The following STKLD1 variants were observed in gnomAD, a reference collection of about 807,000 sequenced individuals.
STKLD1 encodes the protein serine/threonine kinase like domain containing 1.
Under a neutral mutation model 80.4 loss-of-function variants are expected in STKLD1, and 79 were observed. The ratio of observed to expected loss-of-function variants is 0.98; its 90% CI spans 0.82 to 1.19. The LOEUF is 1.19. STKLD1 is among the 50% of genes most tolerant of loss of function. The pLI is 0.00. For synonymous variants in STKLD1, 393 were observed against 357.6 expected (o/e 1.10, Z -1.12); for missense variants, 841 against 856.0 (o/e 0.98, Z 0.22).
Position 133,403,795 on chromosome 9 carries a change from A to C in STKLD1, c.1570A>C (p.Ser524Arg), listed in dbSNP as rs1554778161. 6.2e-7 allele frequency: 1 copy of C among 1,613,684 alleles called. No individual in the cohort carries two copies. Among genetic ancestry groups the C allele is most frequent in the Non-Finnish European group, 8.5e-7 (1 of 1,179,978 alleles). Reference sequence around the variant, plus strand: ...TGCGGATGGGGAAATGGCAGAAGCCAGCTGCGGAGTCTTCTGGCTGCTGTC... The same window carrying C: ...TGCGGATGGGGAAATGGCAGAAGCCCGCTGCGGAGTCTTCTGGCTGCTGTC... ...YPADGEMAEA[S>R]CGVFWLLSLL... The change falls in exon 15 of 18, where the codon AGC becomes CGC. Residue 524 changes from serine to arginine, a missense_variant. By Grantham distance (110) the Ser-to-Arg change is moderately radical. Transcript: ENST00000371957.
Position 133,395,729 on chromosome 9 carries a change from C to A in STKLD1, c.832C>A (p.Leu278Ile). 6.2e-7 allele frequency: 1 copy of A among 1,613,532 alleles called. No homozygotes were observed. The highest frequency in any genetic ancestry group is 8.5e-7 in the Non-Finnish European group (1 of 1,180,012). Residue 278 changes from leucine to isoleucine, a missense_variant, in exon 9 of 18, where the codon CTC becomes ATC. Physicochemically the swap from Leu to Ile is conservative, Grantham distance 5 (BLOSUM62 2). Coordinates refer to ENST00000371957, the MANE Select transcript of STKLD1 (RefSeq NM_153710.5). The stretch of plus-strand genomic sequence containing the variant: ...CTTCAGGAATCTTCTGCCCTTGATG[C>A]TCCAGATCGACCCCTCGGATCGAAT... ...ETFRNLLPLM[L>I]QIDPSDRITI...
At chr9:133,387,580 C>T (rs2130280122) in intron 5 of STKLD1, 32 bp downstream of exon 5, 2 of 1,556,142 alleles carry the variant, frequency 1.3e-6, no homozygotes, top group Admixed American at 1.7e-5. Context: ...GGCCTGGGGG[C>T]CACCTAGACC....
intron 7 of STKLD1, among the ~76,000 whole-genome samples, chr9:133,391,505 T>G (rs1237303887): frequency 2.6e-5 from 4 of 151,532 alleles, no homozygotes; most frequent in Non-Finnish European, 5.9e-5. Context: ...AGACTTTTCA[T>G]TTTGTTCTGT....
chr9:133,401,383 G>A (rs1407441149), intron 12 of STKLD1, among the ~76,000 whole-genome samples: 3 of 152,118 alleles, frequency 2.0e-5, no homozygotes, highest in East Asian at 3.9e-4. Context: ...TGATCCACCC[G>A]CCTCAGCCTC....
chr9:133,404,742 C>T, intron 16 of STKLD1, 47 bp from the exon 17 acceptor site: 2 of 1,600,870 alleles, frequency 1.2e-6, no homozygotes, highest in East Asian at 2.2e-5. Flanking sequence ...AGGCTCTTCC[C>T]TTTCAGGGGA....
Position 133,377,403 on chromosome 9 carries a change from G to A in STKLD1, c.87+843G>A, listed in dbSNP as rs2130253895. Among the ~76,000 whole-genome samples, 303 of 152,332 alleles carry A rather than the reference G, an allele frequency of 2.0e-3. 1 individual carries two copies. The highest frequency in any genetic ancestry group is 7.0e-3 in the African/African-American group (290 of 41,560). ...TCCCTGGCCGGGCTCGGTGGCTCAC[G>A]CCTGTAATCCCCAACACTTTGGGAG... On this transcript the variant is annotated intron_variant, in intron 1 of 17. Coordinates refer to ENST00000371957, the MANE Select transcript of STKLD1 (RefSeq NM_153710.5).
intron 13 of STKLD1, among the ~76,000 whole-genome samples, chr9:133,402,551 C>T (rs1024060768): frequency 6.6e-6 from 1 of 152,266 alleles, no homozygotes; most frequent in Non-Finnish European, 1.5e-5. Flanking sequence ...GATAGGGCCC[C>T]GTCATGGTTC....
rs1838375587 is a variant in STKLD1 at position 133,390,869 on chromosome 9, G to T, written c.583+73G>T. On this transcript the variant is annotated intron_variant, in intron 7 of 17. Transcript: ENST00000371957. This position sits in a 1 kb window ranked among gnomAD's most constrained non-coding sequence, Gnocchi z 5.1. ...ATCCAGGCGGCGTTGGCCACTCTGG[G>T]TGCTGGAGTGAGGCAACATCAAACA... is the stretch of plus-strand genomic sequence containing the variant. The T allele has an allele frequency of 2.6e-6, 3 of 1,146,786 alleles. No individual in the cohort carries two copies. In the Admixed American group the frequency reaches 5.2e-5, roughly 20 times the overall value. The allele number at this position is 1,146,786 out of a possible 1,614,324, so 71.0% of individuals were successfully genotyped here.
intron 11 of STKLD1, among the ~76,000 whole-genome samples, chr9:133,399,899 G>A (rs114255086): frequency 6.6e-6 from 1 of 151,774 alleles, no homozygotes; most frequent in Non-Finnish European, 1.5e-5. Context: ...AAAAAAGAGG[G>A]GGGGGTCTTG....
intron 7 of STKLD1, among the ~76,000 whole-genome samples, chr9:133,391,522 A>G (rs1838398459): frequency 6.6e-6 from 1 of 151,732 alleles, no homozygotes; most frequent in African/African-American, 2.4e-5. Flanking sequence ...CTGTACTAAG[A>G]AAAATTCTTC....
At chr9:133,388,974 C>A in intron 5 of STKLD1, 1 of 985,440 alleles carries the variant, frequency 1.0e-6, no homozygotes, top group Non-Finnish European at 1.2e-6. Context: ...ACGCCCACAT[C>A]CTGCCCCCTC....
At chr9:133,379,476 G>A (rs2130261125) in intron 2 of STKLD1, among the ~76,000 whole-genome samples, 2 of 152,328 alleles carry the variant, frequency 1.3e-5, no homozygotes, top group Admixed American at 6.5e-5. Context: ...GCCAGACTAG[G>A]CAAGGTCACA....
At position 133,390,528 on chromosome 9, in the gene STKLD1, G is replaced by T. The variant is rs2130286675; in HGVS notation, c.468-153G>T. Among the ~76,000 whole-genome samples the T allele has an allele frequency of 2.0e-5, 3 of 152,206 alleles. No individual in the cohort carries two copies. The highest frequency in any genetic ancestry group is 4.4e-5 in the Non-Finnish European group (3 of 68,040). On this transcript the variant is annotated intron_variant, in intron 6 of 17. Coordinates refer to ENST00000371957, the MANE Select transcript of STKLD1 (RefSeq NM_153710.5). The surrounding 1 kb of genome is among the most constrained non-coding windows in gnomAD (Gnocchi z 5.1). Reference sequence around the variant, plus strand: ...GGCTGAGATGGGGCATTTTGTGGAGGAGAGGAGGATGTGGGCTGCTGCTGC... The same window carrying T: ...GGCTGAGATGGGGCATTTTGTGGAGTAGAGGAGGATGTGGGCTGCTGCTGC...
Position 133,389,600 on chromosome 9 carries a change from A to G in STKLD1, c.467+4A>G, listed in dbSNP as rs1243056018. On this transcript the variant is annotated splice_donor_region_variant and intron_variant, in intron 6 of 17. Transcript: ENST00000371957. This position sits in a 1 kb window ranked among gnomAD's most constrained non-coding sequence, Gnocchi z 6.4. ...ACCATTTGGACATCATCCACAGGTAAGTGGGGCCCCTGACCTCTGCGGACT... is the reference window on the plus strand; with the variant it reads ...ACCATTTGGACATCATCCACAGGTAGGTGGGGCCCCTGACCTCTGCGGACT... 2 of 1,613,044 alleles carry G rather than the reference A, an allele frequency of 1.2e-6. No individual in the cohort carries two copies. Among genetic ancestry groups the G allele is most frequent in the Non-Finnish European group, 1.7e-6 (2 of 1,179,782 alleles).
At chr9:133,392,643 G>GATGGATGGA (rs1838432468) in intron 7 of STKLD1, among the ~76,000 whole-genome samples, 1 of 52,536 alleles carries the variant, frequency 1.9e-5, no homozygotes, top group African/African-American at 8.2e-5. Flanking sequence ...GGATGGATAG[G>GATGGATGGA]TGGGTGGGTG....
At chr9:133,398,883 C>T (rs1452132483) in intron 11 of STKLD1, among the ~76,000 whole-genome samples, 1 of 152,052 alleles carries the variant, frequency 6.6e-6, no homozygotes, top group Non-Finnish European at 1.5e-5. Context: ...GACAGGGTCT[C>T]GCTCTGTCCC....
At chr9:133,388,171 G>A (rs1482126969) in intron 5 of STKLD1, among the ~76,000 whole-genome samples, 1 of 152,176 alleles carries the variant, frequency 6.6e-6, no homozygotes, top group Non-Finnish European at 1.5e-5. Flanking sequence ...ACTTGGTTTG[G>A]TTGGCCCCAT....
In STKLD1 at chr9:133,404,906, T is replaced by C. The variant is rs1554778422; in HGVS notation, c.1850T>C (p.Leu617Pro). The C allele has an allele frequency of 1.2e-6, 2 of 1,613,484 alleles. No individual in the cohort carries two copies. Reference sequence around the variant, plus strand: ...GAGGTGGTGGAGAACGTGGGCATGCTGCTGGTCCACCTGGCTTCCTATGGT... The same window carrying C: ...GAGGTGGTGGAGAACGTGGGCATGCCGCTGGTCCACCTGGCTTCCTATGGT... ...DPEVVENVGMLLVHLASYEEI... is the reference protein window; with the variant it reads ...DPEVVENVGMPLVHLASYEEI... Residue 617 changes from leucine to proline, a missense_variant, in exon 17 of 18, where the codon CTG becomes CCG. Physicochemically the swap from Leu to Pro is moderately conservative, Grantham distance 98. Transcript: ENST00000371957.
chr9:133,395,820 C>T, intron 9 of STKLD1, 57 bp downstream of exon 9: 1 of 1,552,048 alleles, frequency 6.4e-7, no homozygotes, highest in South Asian at 1.2e-5. Flanking sequence ...AACATCTCTC[C>T]ACCCTAATAC....
Sources: allele counts gnomAD v4.1 joint callset (sites outside exome capture counted in the v4.1 genomes callset), GRCh38; gene constraint gnomAD v4.1.1; non-coding constraint Gnocchi (gnomAD v3.1); transcripts MANE v1.5; gene names NCBI Gene and HGNC (gene_info 2026-07-23, HGNC 2026-07-21).